The following HNRNPUL2 variants were observed in gnomAD, a reference collection of about 807,000 sequenced individuals.
HNRNPUL2 encodes the protein heterogeneous nuclear ribonucleoprotein U like 2.
In HNRNPUL2, 27 loss-of-function variants were observed where a neutral mutation model predicts 102.2. The observed-to-expected ratio is 0.26, with a 90% CI of 0.19 to 0.36. The LOEUF (loss-of-function observed/expected upper bound fraction) is 0.36. HNRNPUL2 is among the 10% of genes least tolerant of loss of function. The pLI is 1.00. For missense variants in HNRNPUL2, 936 were observed against 981.1 expected, an observed-to-expected ratio of 0.95 and a Z score of 0.61; for synonymous variants, 458 against 387.2, an observed-to-expected ratio of 1.18 and a Z score of -2.15.
At position 62,714,153 on chromosome 11, in the gene HNRNPUL2, C is replaced by G. The variant is rs2083640713; in HGVS notation, c.*1146G>C. The G allele has an allele frequency of 6.7e-6, 1 of 149,444 alleles. No individual in the cohort carries two copies. Among genetic ancestry groups the G allele is most frequent in the African/African-American group, 2.5e-5 (1 of 40,066 alleles). 9.3% of individuals were successfully genotyped at this position (149,444 alleles called of 1,614,324 possible). On this transcript the variant is annotated 3_prime_UTR_variant, in exon 14 of 14. Coordinates refer to ENST00000301785, the MANE Select transcript of HNRNPUL2 (RefSeq NM_001079559.3). ...CTGCCTCCCACCCCCCCCCACCACC[C>G]TCCCCTCTTCTATTCATTCTCTACC...
rs1049094260 is a variant in HNRNPUL2 at position 62,717,325 on chromosome 11, C to G, written c.1781-136G>C. The G allele has an allele frequency of 9.3e-6, 6 of 647,052 alleles. No homozygotes were observed. In the Middle Eastern group the frequency reaches 1.6e-3, roughly 168 times the overall value. The allele number at this position is 647,052 out of a possible 1,614,324, so 40.1% of individuals were successfully genotyped here. On this transcript the variant is annotated intron_variant, in intron 10 of 13. Transcript: ENST00000301785. ...GCACAAAAATGTGCTACGTTTATAC[C>G]CACTCGCATCTAAATAATGACATTA... is the stretch of plus-strand genomic sequence containing the variant.
At chr11:62,723,497 A>AC in intron 4 of HNRNPUL2, 90 bp downstream of exon 4, 1 of 1,370,256 alleles carries the variant, frequency 7.3e-7, no homozygotes, top group Non-Finnish European at 9.9e-7. Flanking sequence ...ATCTCAAAAA[A>AC]AAAGAGATAA....
At chr11:62,723,497 A>G in intron 4 of HNRNPUL2, 90 bp downstream of exon 4, 1 of 1,370,256 alleles carries the variant, frequency 7.3e-7, no homozygotes. Context: ...ATCTCAAAAA[A>G]AAAGAGATAA....
chr11:62,724,235 G>A, intron 2 of HNRNPUL2, 56 bp downstream of exon 2: 1 of 1,607,846 alleles, frequency 6.2e-7, no homozygotes, highest in Non-Finnish European at 8.5e-7. Context: ...GTCAATACCA[G>A]GTATACCAAA....
In HNRNPUL2 at chr11:62,722,097, T is replaced by C; in HGVS notation, c.1359+20A>G. The C allele has an allele frequency of 6.2e-7, 1 of 1,611,332 alleles. No homozygotes were observed. Among genetic ancestry groups the C allele is most frequent in the Non-Finnish European group, 8.5e-7 (1 of 1,178,222 alleles). ...TCTGCAAAGCATACAACCTCAGTGT[T>C]CGTATACTGTTTGGCATACCTCACA... On this transcript the variant is annotated intron_variant, in intron 7 of 13. Coordinates refer to ENST00000301785, the MANE Select transcript of HNRNPUL2 (RefSeq NM_001079559.3).
chr11:62,723,019 T>A lies in HNRNPUL2; in HGVS notation c.892-116A>T, dbSNP rs936267755. 20 of 720,290 alleles carry A rather than the reference T, an allele frequency of 2.8e-5. No homozygotes were observed. In the Admixed American group the frequency reaches 3.6e-4, roughly 13 times the overall value. The allele number at this position is 720,290 out of a possible 1,614,324, so 44.6% of individuals were successfully genotyped here. ...AAACGACATTTACCTCAACTCAACA[T>A]CAGAATAACAATCACTGAACTTAAA... On this transcript the variant is annotated intron_variant, in intron 4 of 13. Transcript: ENST00000301785.
chr11:62,719,365 CACTTGA>C (rs2083683356), intron 10 of HNRNPUL2, among the ~76,000 whole-genome samples: 1 of 152,108 alleles, frequency 6.6e-6, no homozygotes. Flanking sequence ...GCAAGAGGAT[CACTTGA>C]ACCCAGGAGG....
At chr11:62,725,798 G>A (rs1185754882) in intron 1 of HNRNPUL2, among the ~76,000 whole-genome samples, 1 of 152,112 alleles carries the variant, frequency 6.6e-6, no homozygotes, top group Non-Finnish European at 1.5e-5. Flanking sequence ...AACTCCCTGG[G>A]GCGATTCTAC....
intron 1 of HNRNPUL2, 99 bp from the exon 2 acceptor site, chr11:62,724,525 G>T: frequency 7.6e-7 from 1 of 1,320,962 alleles, no homozygotes; most frequent in Non-Finnish European, 1.1e-6. Context: ...GAATCTGTCT[G>T]ATCAAAACAG....
rs749165549 is a variant in HNRNPUL2, at chr11:62,721,977, T to C, written c.1360-35A>G. ...ACAGAACCAGAAATATAATGAAAAATAAATGAGGGTCATGTTTATCAAAAC... is the reference window on the plus strand; with the variant it reads ...ACAGAACCAGAAATATAATGAAAAACAAATGAGGGTCATGTTTATCAAAAC... On this transcript the variant is annotated intron_variant, in intron 7 of 13. Transcript: ENST00000301785. 3.1e-6 allele frequency: 5 copies of C among 1,611,944 alleles called. No individual in the cohort carries two copies. The Admixed American group carries it at 5.0e-5, about 16-fold the overall frequency.
At chr11:62,722,419 AG>A (rs1214563273) in intron 6 of HNRNPUL2, 39 bp from the exon 7 acceptor site, 8 of 1,602,136 alleles carry the variant, frequency 5.0e-6, no homozygotes, top group Non-Finnish European at 6.0e-6. Context: ...TTGGCTGACG[AG>A]GCTTTGGGTT....
In HNRNPUL2 at chr11:62,727,158, G is replaced by T; in HGVS notation, c.-2C>A. The T allele has an allele frequency of 7.0e-7, 1 of 1,424,162 alleles. No individual in the cohort carries two copies. The highest frequency in any genetic ancestry group is 9.2e-7 in the Non-Finnish European group (1 of 1,089,924). The allele number at this position is 1,424,162 out of a possible 1,614,324, so 88.2% of individuals were successfully genotyped here. A position where few individuals can be genotyped will look rare whatever the true frequency, so the allele number is the denominator to read the frequency against. ...CACTTTCAGCCGCTTCACCTCCATCGCCGCCGCCGCCTCCTCCGCCTCCCG... is the reference window on the plus strand; with the variant it reads ...CACTTTCAGCCGCTTCACCTCCATCTCCGCCGCCGCCTCCTCCGCCTCCCG... On this transcript the variant is annotated 5_prime_UTR_variant, in exon 1 of 14. Transcript: ENST00000301785.
chr11:62,725,029 C>G (rs915646769), intron 1 of HNRNPUL2, among the ~76,000 whole-genome samples: 9 of 152,272 alleles, frequency 5.9e-5, no homozygotes, highest in East Asian at 3.9e-4. Context: ...CACAAGAGAT[C>G]CATAAATAAT....
chr11:62,726,531 A>G (rs1402382862), intron 1 of HNRNPUL2, 88 bp downstream of exon 1: 21 of 1,308,724 alleles, frequency 1.6e-5, no homozygotes, highest in Non-Finnish European at 2.1e-5. Flanking sequence ...AGCGAGAACA[A>G]GGACTCGGAC....
chr11:62,720,224 A>T (rs1175249249), intron 9 of HNRNPUL2, 33 bp from the exon 10 acceptor site: 2 of 1,601,748 alleles, frequency 1.2e-6, no homozygotes, highest in Non-Finnish European at 1.7e-6. Context: ...ATGTTTAGGA[A>T]GAAAATTATC....
At position 62,713,579 on chromosome 11, in the gene HNRNPUL2, T is replaced by TG; in HGVS notation, c.*1719dup. 2.0e-5 allele frequency: 3 copies of TG among 152,324 alleles called. No individual in the cohort carries two copies. In the South Asian group the frequency reaches 6.2e-4, roughly 32 times the overall value. 9.4% of individuals were successfully genotyped at this position (152,324 alleles called of 1,614,324 possible). On this transcript the variant is annotated 3_prime_UTR_variant, in exon 14 of 14. Transcript: ENST00000301785. ...TTCCAGCCTTGGGGTCAGAGGTATTTGGGCGGAAGGGTGTGTCATGACAGA... is the reference window on the plus strand; with the variant it reads ...TTCCAGCCTTGGGGTCAGAGGTATTTGGGGCGGAAGGGTGTGTCATGACAGA...
In HNRNPUL2 at chr11:62,716,047, G is replaced by T. The variant is rs1319981693; in HGVS notation, c.1982-110C>A. ...AAAGGCAATTCTGGGGGAATATGAG[G>T]CCTGCTTCGGCCAGGCTCACACATG... On this transcript the variant is annotated intron_variant, in intron 11 of 13. Transcript: ENST00000301785. 11 of 736,248 alleles carry T rather than the reference G, an allele frequency of 1.5e-5. No homozygotes were observed. The South Asian group carries it at 1.9e-4, about 13-fold the overall frequency. 45.6% of individuals were successfully genotyped at this position (736,248 alleles called of 1,614,324 possible).
chr11:62,723,503 GATA>G, intron 4 of HNRNPUL2, 81 bp downstream of exon 4: 1 of 1,371,150 alleles, frequency 7.3e-7, no homozygotes, highest in Non-Finnish European at 9.9e-7. Flanking sequence ...AAAAAAAAGA[GATA>G]ATAATCTTCT....
At chr11:62,724,576 A>G (rs2083729808) in intron 1 of HNRNPUL2, 150 bp from the exon 2 acceptor site, 5 of 881,096 alleles carry the variant, frequency 5.7e-6, no homozygotes, top group Non-Finnish European at 8.5e-6. Flanking sequence ...TTTTATTTCT[A>G]AAGATCAGCT....
Sources: gnomAD v4.1 joint callset for allele counts (sites outside exome capture counted in the v4.1 genomes callset) on GRCh38, gnomAD v4.1.1 for gene constraint, MANE v1.5 for transcripts, NCBI Gene and HGNC (gene_info 2026-07-23, HGNC 2026-07-21) for gene names.